Variants in RARB observed in about 807,000 individuals in gnomAD.
RARB encodes HBV-activated protein.
In RARB, 17 loss-of-function variants were observed where a neutral mutation model predicts 51.9. The observed-to-expected ratio is 0.33, with a 90% CI of 0.22 to 0.49. RARB has a LOEUF of 0.49. RARB is among the 20% of genes least tolerant of loss of function. RARB has a pLI of 0.99. For missense variants in RARB, 369 were observed against 550.8 expected (o/e 0.67, Z 3.30); for synonymous variants, 215 against 195.4 (o/e 1.10, Z -0.84).
At chr3:24,843,770 C>G (rs143448889) in intron 1 of RARB, among the ~76,000 whole-genome samples, 3 of 152,238 alleles carry the variant, frequency 2.0e-5, no homozygotes, top group African/African-American at 4.8e-5. Flanking sequence ...CCAGGTAATT[C>G]GTGTGCACAG....
At chr3:25,157,203 T>A (rs1172451315) in intron 4 of RARB, among the ~76,000 whole-genome samples, 1 of 152,176 alleles carries the variant, frequency 6.6e-6, no homozygotes, top group Non-Finnish European at 1.5e-5. Flanking sequence ...TGTTTCCAGC[T>A]ATGTGTGAAT....
At chr3:24,905,005 A>AGG (rs1694825597) in intron 2 of RARB, among the ~76,000 whole-genome samples, 1 of 152,014 alleles carries the variant, frequency 6.6e-6, no homozygotes, top group Non-Finnish European at 1.5e-5. Context: ...ACACAAGGGG[A>AGG]GGGATAGTAT....
chr3:24,929,053 T>C (rs2125392197), intron 2 of RARB, among the ~76,000 whole-genome samples: 2 of 152,182 alleles, frequency 1.3e-5, no homozygotes, highest in South Asian at 4.1e-4. Flanking sequence ...TAAAAAGCTT[T>C]AGAAAAGATA....
intron 5 of RARB, among the ~76,000 whole-genome samples, chr3:25,367,652 TA>T (rs34629828): frequency 0.61 from 85,148 of 139,242 alleles, 26,732 homozygotes; most frequent in East Asian, 0.88. Flanking sequence ...CCCATCTCTA[TA>T]AAAAAAAAAA....
intron 5 of RARB, among the ~76,000 whole-genome samples, chr3:25,333,223 A>G (rs1207886967): frequency 2.6e-5 from 4 of 152,242 alleles, no homozygotes; most frequent in East Asian, 1.9e-4. Context: ...TGCCAAGTCA[A>G]TCCTAAGCCA....
chr3:24,901,213 C>G (rs1054130431), intron 2 of RARB, among the ~76,000 whole-genome samples: 5 of 152,166 alleles, frequency 3.3e-5, no homozygotes, highest in Admixed American at 6.5e-5. Flanking sequence ...TATGTCCTTT[C>G]CTGGGAAACT....
intron 5 of RARB, among the ~76,000 whole-genome samples, chr3:25,240,045 TG>T (rs1231305682): frequency 2.6e-5 from 4 of 151,190 alleles, no homozygotes; most frequent in African/African-American, 9.8e-5. Context: ...GGTGTTTGTT[TG>T]TTTTTTTTTT....
chr3:24,877,345 A>AATTTTTTTTTTTTT (rs1559379782), intron 2 of RARB, among the ~76,000 whole-genome samples: 1 of 17,756 alleles, frequency 5.6e-5, no homozygotes, highest in Non-Finnish European at 1.0e-4. Flanking sequence ...AAGCAATCTT[A>AATTTTTTTTTTTTT]CTTTTTTTTT....
chr3:25,314,559 C>T (rs1704370755), intron 5 of RARB, among the ~76,000 whole-genome samples: 1 of 152,172 alleles, frequency 6.6e-6, no homozygotes, highest in Admixed American at 6.5e-5. Flanking sequence ...GGTAAAATGG[C>T]ACAATGGATG....
At chr3:25,553,817 G>A (rs568022402) in intron 3 of RARB, among the ~76,000 whole-genome samples, 4 of 152,180 alleles carry the variant, frequency 2.6e-5, no homozygotes, top group South Asian at 2.1e-4. Flanking sequence ...AGAGGTCCCC[G>A]ACTCTCTTTA....
chr3:25,358,915 A>T (rs757227035), intron 5 of RARB, among the ~76,000 whole-genome samples: 1 of 151,522 alleles, frequency 6.6e-6, no homozygotes, highest in Non-Finnish European at 1.5e-5. Flanking sequence ...ATTGATGTTC[A>T]TCAGGGATAT....
At chr3:25,281,779 A>G (rs1703529053) in intron 5 of RARB, among the ~76,000 whole-genome samples, 1 of 152,218 alleles carries the variant, frequency 6.6e-6, no homozygotes, top group Non-Finnish European at 1.5e-5. Flanking sequence ...CTTCATTAGA[A>G]TACTAAATGT....
chr3:25,509,509 C>CTT, intron 3 of RARB, among the ~76,000 whole-genome samples: 2 of 152,222 alleles, frequency 1.3e-5, no homozygotes, highest in Non-Finnish European at 2.9e-5. Context: ...CTTAGAAGTG[C>CTT]AGCTCCAAAT....
At chr3:24,970,949 T>C (rs1696384636) in intron 2 of RARB, among the ~76,000 whole-genome samples, 2 of 151,870 alleles carry the variant, frequency 1.3e-5, no homozygotes, top group Admixed American at 1.3e-4. Context: ...GTTACAATTG[T>C]TCTTCTCCTT....
intron 1 of RARB, among the ~76,000 whole-genome samples, chr3:25,451,369 A>C (rs1381297945): frequency 2.0e-5 from 3 of 152,224 alleles, no homozygotes; most frequent in Non-Finnish European, 4.4e-5. Flanking sequence ...TCCACCTGGC[A>C]GCAAAGCTTA....
intron 5 of RARB, among the ~76,000 whole-genome samples, chr3:25,198,277 C>G (rs115102647): frequency 0.034 from 5,176 of 152,016 alleles, 117 homozygotes; most frequent in Middle Eastern, 0.095. Flanking sequence ...TGATATCAAA[C>G]TGGATTAAAG....
At chr3:25,082,995 A>G (rs1023669975) in intron 3 of RARB, among the ~76,000 whole-genome samples, 1 of 151,858 alleles carries the variant, frequency 6.6e-6, no homozygotes, top group African/African-American at 2.4e-5. Context: ...ATGTTCTTAT[A>G]TTGCCTTCTT....
intron 2 of RARB, among the ~76,000 whole-genome samples, chr3:24,935,367 C>T (rs117303639): frequency 5.3e-5 from 8 of 152,176 alleles, no homozygotes; most frequent in East Asian, 3.9e-4. Flanking sequence ...ATCTTTAAAA[C>T]CCACACACAC....
intron 2 of RARB, among the ~76,000 whole-genome samples, chr3:24,988,993 T>G (rs1228660896): frequency 1.3e-5 from 2 of 151,836 alleles, no homozygotes; most frequent in Non-Finnish European, 2.9e-5. Flanking sequence ...GCCCGGCTAA[T>G]TTTTGTATTT....
Sources: allele counts gnomAD v4.1 joint callset (sites outside exome capture counted in the v4.1 genomes callset), GRCh38; gene constraint gnomAD v4.1.1; transcripts MANE v1.5; gene names NCBI Gene and HGNC (gene_info 2026-07-23, HGNC 2026-07-21).